The following TTLL7 variants were observed in gnomAD, a reference collection of about 807,000 sequenced individuals.
TTLL7 encodes the protein tubulin tyrosine ligase like 7, also known as tubulin polyglutamylase TTLL7.
In TTLL7, 53 loss-of-function variants were observed where a neutral mutation model predicts 120.2. The observed-to-expected ratio is 0.44, with a 90% CI of 0.35 to 0.55. The LOEUF (loss-of-function observed/expected upper bound fraction) is 0.55. TTLL7 is among the 20% of genes least tolerant of loss of function. The probability of loss-of-function intolerance (pLI) is 0.00; values close to 1 mark genes in which losing one functional copy is unlikely to be tolerated. For synonymous variants in TTLL7, 353 were observed against 351.7 expected (o/e 1.00, Z -0.04); for missense variants, 803 against 1,054.7 (o/e 0.76, Z 3.31).
At chr1:83,950,800 T>C (rs1648969286) in intron 3 of TTLL7, among the ~76,000 whole-genome samples, 1 of 152,118 alleles carries the variant, frequency 6.6e-6, no homozygotes, top group Non-Finnish European at 1.5e-5. Context: ...CTCTCATCTG[T>C]CACAGACCAC....
Position 83,868,305 on chromosome 1 carries a change from G to A in TTLL7, c.*1657C>T, listed in dbSNP as rs1055025626. On this transcript the variant is annotated 3_prime_UTR_variant, in exon 21 of 21. Coordinates refer to ENST00000260505, the MANE Select transcript of TTLL7 (RefSeq NM_024686.6). The stretch of plus-strand genomic sequence containing the variant: ...GCAGCTAAAAGAAAATAAAACTGTT[G>A]GGAGAAGAAGTTTAAATAAATTCTA... The A allele has an allele frequency of 2.0e-5, 3 of 152,112 alleles. No individual in the cohort carries two copies. Among genetic ancestry groups the A allele is most frequent in the Admixed American group, 6.6e-5 (1 of 15,264 alleles). 9.4% of individuals were successfully genotyped at this position (152,112 alleles called of 1,614,324 possible).
intron 12 of TTLL7, 129 bp downstream of exon 12, chr1:83,920,958 A>T: frequency 1.0e-6 from 1 of 973,374 alleles, no homozygotes; most frequent in Non-Finnish European, 1.5e-6. Context: ...TCTGAAAGAC[A>T]GTAAGCAAAA....
At chr1:83,976,552 G>A (rs1345426018) in intron 1 of TTLL7, among the ~76,000 whole-genome samples, 1 of 151,950 alleles carries the variant, frequency 6.6e-6, no homozygotes, top group Non-Finnish European at 1.5e-5. Flanking sequence ...ATAATGAACT[G>A]CATCTTTCAT....
intron 10 of TTLL7, among the ~76,000 whole-genome samples, chr1:83,922,926 G>A (rs964293892): frequency 1.3e-5 from 2 of 150,590 alleles, no homozygotes; most frequent in Non-Finnish European, 3.0e-5. Flanking sequence ...AGAGAAAAAA[G>A]GTAAGTTTAG....
chr1:83,947,430 T>A (rs1362516332), intron 5 of TTLL7, 148 bp from the exon 6 acceptor site: 1 of 695,902 alleles, frequency 1.4e-6, no homozygotes, highest in Admixed American at 3.3e-5. Context: ...TCAACAAATG[T>A]CTACTGAGCA....
intron 1 of TTLL7, among the ~76,000 whole-genome samples, chr1:83,981,888 A>T (rs1270191772): frequency 3.3e-5 from 5 of 152,140 alleles, no homozygotes; most frequent in Non-Finnish European, 7.4e-5. Flanking sequence ...CATTCTCAGC[A>T]ATTAATAGAT....
rs143454208 is a variant in TTLL7 at position 83,871,758 on chromosome 1, G to A, written c.2544-1676C>T. On this transcript the variant is annotated intron_variant, in intron 20 of 20. Transcript: ENST00000260505. ...AAAATACAAAAAAAATTAGCCGGTT[G>A]TGGTGGCGAGTGCCTGTAGTCCCAG... 4.5e-3 allele frequency among the ~76,000 whole-genome samples: 678 copies of A among 152,046 alleles called. 8 individuals carry two copies. The highest frequency in any genetic ancestry group is 0.016 in the African/African-American group (656 of 41,472).
At chr1:83,932,019 T>C (rs959371583) in intron 9 of TTLL7, among the ~76,000 whole-genome samples, 26 of 152,172 alleles carry the variant, frequency 1.7e-4, no homozygotes, top group African/African-American at 6.3e-4. Context: ...ATGGTTCTGA[T>C]TGATCTAGAA....
intron 20 of TTLL7, among the ~76,000 whole-genome samples, chr1:83,871,772 C>T (rs1477837080): frequency 1.3e-5 from 2 of 151,838 alleles, no homozygotes; most frequent in Non-Finnish European, 2.9e-5. Flanking sequence ...TGGCGAGTGC[C>T]TGTAGTCCCA....
At chr1:83,888,790 G>A (rs191670619) in intron 19 of TTLL7, among the ~76,000 whole-genome samples, 2 of 152,004 alleles carry the variant, frequency 1.3e-5, no homozygotes, top group East Asian at 3.9e-4. Flanking sequence ...CAGCATATTA[G>A]ATAGCCTTGT....
intron 1 of TTLL7, among the ~76,000 whole-genome samples, chr1:83,962,393 C>G (rs1397413453): frequency 6.6e-6 from 1 of 152,056 alleles, no homozygotes; most frequent in Non-Finnish European, 1.5e-5. Context: ...CCCTTCTTGC[C>G]AATTTTACGG....
chr1:83,866,396 T>C lies in TTLL7; in HGVS notation c.*3566A>G, dbSNP rs1042291276. ...TGAAATTTCAAGTTAGATACAAAAT[T>C]CCATACTCATATATTTTACAAATTA... On this transcript the variant is annotated 3_prime_UTR_variant, in exon 21 of 21. Transcript: ENST00000260505. The C allele has an allele frequency of 2.0e-5, 3 of 151,972 alleles. No homozygotes were observed. Among genetic ancestry groups the C allele is most frequent in the African/African-American group, 7.2e-5 (3 of 41,550 alleles). The allele number at this position is 151,972 out of a possible 1,614,324, so 9.4% of individuals were successfully genotyped here. A position where few individuals can be genotyped will look rare whatever the true frequency, so the allele number is the denominator to read the frequency against.
In TTLL7 at chr1:83,865,109, G is replaced by A. The variant is rs1399364979; in HGVS notation, c.*4853C>T. 6.6e-6 allele frequency: 1 copy of A among 151,910 alleles called. No individual in the cohort carries two copies. The highest frequency in any genetic ancestry group is 1.9e-4 in the East Asian group (1 of 5,190). 9.4% of individuals were successfully genotyped at this position (151,910 alleles called of 1,614,324 possible). On this transcript the variant is annotated 3_prime_UTR_variant, in exon 21 of 21. Coordinates refer to ENST00000260505, the MANE Select transcript of TTLL7 (RefSeq NM_024686.6). ...CACCATACAGATATCACATGCTGGA[G>A]CATGACAATGCAACGCTAATTGCAC...
At chr1:83,887,109 G>A in intron 19 of TTLL7, 1 of 500,968 alleles carries the variant, frequency 2.0e-6, no homozygotes, top group South Asian at 4.2e-5. Flanking sequence ...CCAACTCTAG[G>A]GAAACCTACC....
chr1:83,951,549 A>G (rs1466959115), intron 3 of TTLL7, among the ~76,000 whole-genome samples: 2 of 152,206 alleles, frequency 1.3e-5, no homozygotes, highest in Non-Finnish European at 2.9e-5. Flanking sequence ...AAGAGCTGAC[A>G]AAATTAAACT....
At chr1:83,949,301 G>GT (rs202088895) in intron 4 of TTLL7, 1,491 of 145,870 alleles carry the variant, frequency 0.01, 13 homozygotes, top group Non-Finnish European at 0.016. Flanking sequence ...AGGAAGAGGT[G>GT]TTTTTTTTGT....
At chr1:83,988,039 T>C (rs1295832223) in intron 1 of TTLL7, among the ~76,000 whole-genome samples, 2 of 152,172 alleles carry the variant, frequency 1.3e-5, no homozygotes, top group Admixed American at 1.3e-4. Context: ...TTCACCCTCC[T>C]ACCTCCATAT....
rs1487760782 is a variant in TTLL7 at position 83,867,175 on chromosome 1, T to C, written c.*2787A>G. The C allele has an allele frequency of 2.6e-5, 4 of 152,034 alleles. No individual in the cohort carries two copies. The highest frequency in any genetic ancestry group is 4.4e-5 in the Non-Finnish European group (3 of 67,900). The allele number at this position is 152,034 out of a possible 1,614,324, so 9.4% of individuals were successfully genotyped here. ...ACTTATGCTTATATGTTTTAACCTA[T>C]GAATAAAAATTTATAATAAAAACTT... On this transcript the variant is annotated 3_prime_UTR_variant, in exon 21 of 21. Transcript: ENST00000260505.
chr1:83,973,789 T>C (rs939828552), intron 1 of TTLL7, among the ~76,000 whole-genome samples: 5 of 152,060 alleles, frequency 3.3e-5, no homozygotes, highest in African/African-American at 7.2e-5. Context: ...ATATTCTGTA[T>C]GACTTCATTT....
Sources: allele counts gnomAD v4.1 joint callset (sites outside exome capture counted in the v4.1 genomes callset), GRCh38; gene constraint gnomAD v4.1.1; transcripts MANE v1.5; gene names NCBI Gene and HGNC (gene_info 2026-07-23, HGNC 2026-07-21).